Variants in CALCR observed in about 807,000 individuals in gnomAD.
CALCR encodes calcitonin receptor.
In CALCR, 47 loss-of-function variants were observed where a neutral mutation model predicts 59.5. The observed-to-expected ratio is 0.79, with a 90% CI of 0.63 to 1.01. The LOEUF is 1.01. CALCR is among the 50% of genes least tolerant of loss of function. CALCR has a pLI of 0.00. For missense variants in CALCR, 566 were observed against 597.1 expected (o/e 0.95, Z 0.54); for synonymous variants, 213 against 211.3 (o/e 1.01, Z -0.07).
chr7:93,569,412 C>G lies in CALCR; in HGVS notation c.-27+4877G>C, dbSNP rs545146494. Among the ~76,000 whole-genome samples the G allele has an allele frequency of 2.2e-3, 337 of 152,260 alleles. 1 individual carries two copies. The highest frequency in any genetic ancestry group is 3.6e-3 in the Non-Finnish European group (248 of 68,012). On this transcript the variant is annotated intron_variant, in intron 2 of 13. Transcript: ENST00000426151. ...GTTTCCCCAAGTCACCATGTTGTTTCAAGCCACAATCTGGTGTCCTGCCTG... is the reference window on the plus strand; with the variant it reads ...GTTTCCCCAAGTCACCATGTTGTTTGAAGCCACAATCTGGTGTCCTGCCTG...
intron 2 of CALCR, among the ~76,000 whole-genome samples, chr7:93,548,015 A>C (rs1789339204): frequency 6.6e-6 from 1 of 152,202 alleles, no homozygotes; most frequent in South Asian, 2.1e-4. Flanking sequence ...GTGGGTGTAC[A>C]CATAACCCTG....
rs535135221 is a variant in CALCR, at chr7:93,548,684, C to T, written c.-27+25605G>A. On this transcript the variant is annotated intron_variant, in intron 2 of 13. Transcript: ENST00000426151. The stretch of plus-strand genomic sequence containing the variant: ...TAAAGAAAAACAGAAAAAAAAAACC[C>T]AAAACAAAATACTTCATTCATCTCA... Among the ~76,000 whole-genome samples, 29 of 149,792 alleles carry T rather than the reference C, an allele frequency of 1.9e-4. No homozygotes were observed. In the South Asian group the frequency reaches 5.9e-3, roughly 31 times the overall value.
chr7:93,539,373 T>C (rs1008308999), intron 2 of CALCR, among the ~76,000 whole-genome samples: 2 of 152,042 alleles, frequency 1.3e-5, no homozygotes, highest in Non-Finnish European at 2.9e-5. Context: ...GCCATTTCAA[T>C]CAGGGGCTTT....
At chr7:93,484,802 G>A (rs1447839353) in intron 3 of CALCR, among the ~76,000 whole-genome samples, 7 of 151,678 alleles carry the variant, frequency 4.6e-5, no homozygotes, top group Admixed American at 3.3e-4. Flanking sequence ...TGGCTTTGTT[G>A]TCATCAGCAT....
chr7:93,489,645 C>T (rs1456188813), intron 2 of CALCR, among the ~76,000 whole-genome samples: 2 of 151,890 alleles, frequency 1.3e-5, no homozygotes, highest in Admixed American at 1.3e-4. Context: ...CACCTCTACA[C>T]AAATAAACTA....
intron 2 of CALCR, among the ~76,000 whole-genome samples, chr7:93,536,085 C>G (rs1788976252): frequency 6.6e-6 from 1 of 151,714 alleles, no homozygotes; most frequent in Non-Finnish European, 1.5e-5. Context: ...TTGCTACTGT[C>G]TTGGAGGAAA....
chr7:93,431,547 C>T (rs773844974), intron 13 of CALCR, among the ~76,000 whole-genome samples: 2 of 152,138 alleles, frequency 1.3e-5, no homozygotes, highest in African/African-American at 2.4e-5. Context: ...GGGGAACCAG[C>T]GTGAACTTCA....
At chr7:93,430,799 C>A (rs547914450) in intron 13 of CALCR, among the ~76,000 whole-genome samples, 2 of 152,172 alleles carry the variant, frequency 1.3e-5, no homozygotes, top group African/African-American at 4.8e-5. Flanking sequence ...TGGGGCCAAG[C>A]AATCCCTGGT....
intron 2 of CALCR, among the ~76,000 whole-genome samples, chr7:93,501,972 T>C (rs1801329815): frequency 6.6e-6 from 1 of 152,116 alleles, no homozygotes; most frequent in African/African-American, 2.4e-5. Flanking sequence ...TTCTCTGTTC[T>C]GAGAGAAAAT....
chr7:93,436,932 T>C (rs1033447339), intron 11 of CALCR, among the ~76,000 whole-genome samples: 2 of 152,298 alleles, frequency 1.3e-5, no homozygotes, highest in South Asian at 4.1e-4. Context: ...GCTGCTGTCA[T>C]AAATCAAGTG....
chr7:93,448,264 G>C (rs1035552934), intron 8 of CALCR, among the ~76,000 whole-genome samples: 23 of 152,078 alleles, frequency 1.5e-4, no homozygotes, highest in African/African-American at 5.5e-4. Flanking sequence ...CAGCTTCTGT[G>C]TTGATTTCAT....
intron 2 of CALCR, chr7:93,495,842 G>A (rs1584583961): frequency 3.7e-6 from 5 of 1,346,880 alleles, no homozygotes; most frequent in African/African-American, 1.5e-5. Flanking sequence ...CATTGTAAGA[G>A]GTTCAGTTAC....
intron 11 of CALCR, 148 bp downstream of exon 11, chr7:93,437,911 TA>T: frequency 2.6e-6 from 2 of 755,154 alleles, no homozygotes; most frequent in Non-Finnish European, 4.3e-6. Flanking sequence ...TTGAAGAGTC[TA>T]AAATCAAATT....
In CALCR at chr7:93,435,990, T is replaced by C. The variant is rs779586003; in HGVS notation, c.1111A>G (p.Ile371Val). 6.2e-7 allele frequency: 1 copy of C among 1,613,370 alleles called. No homozygotes were observed. Among genetic ancestry groups the C allele is most frequent in the Non-Finnish European group, 8.5e-7 (1 of 1,179,386 alleles). The change falls in exon 12 of 14, where the codon ATA becomes GTA. Residue 371 changes from isoleucine to valine, a missense_variant. Transcript: ENST00000426151. ...AGAGAGTGCATCACGTAATCATATATCTTCCCAAGCATCTTGTTGGAAGGT... is the reference window on the plus strand; with the variant it reads ...AGAGAGTGCATCACGTAATCATATACCTTCCCAAGCATCTTGTTGGAAGGT... ...WRPSNKMLGK[I>V]YDYVMHSLIH...
intron 3 of CALCR, among the ~76,000 whole-genome samples, chr7:93,480,282 G>A (rs1341028322): frequency 6.6e-6 from 1 of 151,798 alleles, no homozygotes; most frequent in Non-Finnish European, 1.5e-5. Context: ...TTCCTAACTT[G>A]TGTTTATAAA....
At chr7:93,549,501 C>G (rs1296115019) in intron 2 of CALCR, among the ~76,000 whole-genome samples, 1 of 152,002 alleles carries the variant, frequency 6.6e-6, no homozygotes, top group Non-Finnish European at 1.5e-5. Flanking sequence ...TGTTAAATAA[C>G]ATAAAGACAA....
chr7:93,443,745 T>A lies in CALCR; in HGVS notation c.661A>T (p.Ile221Phe). 1.9e-6 allele frequency: 3 copies of A among 1,612,664 alleles called. No individual in the cohort carries two copies. Among genetic ancestry groups the A allele is most frequent in the Non-Finnish European group, 2.5e-6 (3 of 1,179,160 alleles). Residue 221 changes from isoleucine (I) to phenylalanine (F), a missense_variant, in exon 9 of 14, where the codon ATT becomes TTT. Coordinates refer to ENST00000426151, the MANE Select transcript of CALCR (RefSeq NM_001742.4). ...ATGTACTGGTGGAAAAAATGCAAAA[T>A]CTTGCAGCTCACCTGTCAGAAAGAA... Reference protein sequence around the residue: ...LVRRDPVSCKILHFFHQYMMA... With the variant: ...LVRRDPVSCKFLHFFHQYMMA...
chr7:93,479,931 T>C (rs1800757661), intron 3 of CALCR, among the ~76,000 whole-genome samples: 1 of 151,960 alleles, frequency 6.6e-6, no homozygotes, highest in South Asian at 2.1e-4. Context: ...TCAATAAATA[T>C]GCTTTTTTAT....
At position 93,492,160 on chromosome 7, in the gene CALCR, C is replaced by A. The variant is rs1369934835; in HGVS notation, c.-26-5153G>T. Among the ~76,000 whole-genome samples the A allele has an allele frequency of 2.0e-5, 3 of 151,574 alleles. No homozygotes were observed. The Admixed American group carries it at 2.0e-4, about 10-fold the overall frequency. On this transcript the variant is annotated intron_variant, in intron 2 of 13. Transcript: ENST00000426151. ...TAACACAGGAACAGAAAACCAAACACCACATGTTCTCACTCATAAGTGGGA... is the reference window on the plus strand; with the variant it reads ...TAACACAGGAACAGAAAACCAAACAACACATGTTCTCACTCATAAGTGGGA...
Sources: gnomAD v4.1 joint callset for allele counts (sites outside exome capture counted in the v4.1 genomes callset) on GRCh38, gnomAD v4.1.1 for gene constraint, MANE v1.5 for transcripts, NCBI Gene and HGNC (gene_info 2026-07-23, HGNC 2026-07-21) for gene names.